Variants in ANOS1 observed in about 807,000 individuals in gnomAD.
ANOS1 encodes anosmin-1.
Under a neutral mutation model 59.0 loss-of-function variants are expected in ANOS1, and 6 were observed. The observed-to-expected ratio is 0.10, with a 90% CI of 0.06 to 0.20. The LOEUF (loss-of-function observed/expected upper bound fraction) is 0.20, where lower values mean the gene tolerates loss of function less well. Among genes scored for constraint, ANOS1 ranks in the 10% least tolerant of loss-of-function variants. ANOS1 has a pLI of 1.00. For missense variants in ANOS1, 433 were observed against 542.3 expected, an observed-to-expected ratio of 0.80 and a Z score of 2.00; for synonymous variants, 217 against 223.4, an observed-to-expected ratio of 0.97 and a Z score of 0.25.
At chrX:8,587,015 A>AT (rs35113718) in intron 5 of ANOS1, among the ~76,000 whole-genome samples, 2 of 108,638 alleles carry the variant, frequency 1.8e-5, no homozygotes, top group Non-Finnish European at 3.8e-5. Context: ...ATAAGGTGAG[A>AT]TTTTTTTTCC....
At chrX:8,653,668 T>C (rs1931884279) in intron 2 of ANOS1, among the ~76,000 whole-genome samples, 1 of 111,930 alleles carries the variant, frequency 8.9e-6, no homozygotes, top group African/African-American at 3.2e-5. Context: ...GTTCCCCTTA[T>C]CTGGCTCAAT....
At chrX:8,545,753 C>T (rs1228783479) in intron 9 of ANOS1, among the ~76,000 whole-genome samples, 1 of 111,629 alleles carries the variant, frequency 9.0e-6, no homozygotes, top group Non-Finnish European at 1.9e-5. Flanking sequence ...CTTTTAGGTC[C>T]CTAACTCCAA....
intron 9 of ANOS1, 132 bp from the exon 10 acceptor site, chrX:8,539,890 A>G (rs1929655366): frequency 8.6e-6 from 7 of 810,839 alleles, no homozygotes; most frequent in Non-Finnish European, 1.2e-5. Context: ...ATGCACAGTG[A>G]GCCAAAGGAG....
chrX:8,713,334 C>T (rs1396469079), intron 1 of ANOS1, among the ~76,000 whole-genome samples: 1 of 109,658 alleles, frequency 9.1e-6, no homozygotes, highest in Non-Finnish European at 1.9e-5. Context: ...AGAAAGGTAC[C>T]AGAGAGAAGC....
intron 4 of ANOS1, among the ~76,000 whole-genome samples, chrX:8,594,762 A>G (rs762928743): frequency 1.2e-5 from 1 of 84,499 alleles, no homozygotes; most frequent in East Asian, 3.6e-4. Context: ...ATATATATAT[A>G]TATATTTTTT....
At chrX:8,591,234 C>T (rs1930610854) in intron 4 of ANOS1, among the ~76,000 whole-genome samples, 1 of 111,111 alleles carries the variant, frequency 9.0e-6, no homozygotes, top group African/African-American at 3.3e-5. Flanking sequence ...CCTGCATATG[C>T]CAGACAAATA....
chrX:8,644,964 T>C (rs978804997), intron 2 of ANOS1, among the ~76,000 whole-genome samples: 2 of 112,390 alleles, frequency 1.8e-5, no homozygotes, highest in African/African-American at 6.5e-5. Context: ...GCAACCCAGC[T>C]ACCTTGGGCA....
intron 2 of ANOS1, among the ~76,000 whole-genome samples, chrX:8,683,083 A>G (rs1405102150): frequency 9.0e-6 from 1 of 111,174 alleles, no homozygotes; most frequent in Non-Finnish European, 1.9e-5. Context: ...ACAAACTTTA[A>G]GACCTTGGGA....
At chrX:8,533,686 T>C in intron 13 of ANOS1, among the ~76,000 whole-genome samples, 1 of 112,181 alleles carries the variant, frequency 8.9e-6, no homozygotes, top group East Asian at 2.8e-4. Context: ...GTGACAATTT[T>C]CTTTTTAAAT....
At chrX:8,667,907 C>T (rs1400846607) in intron 2 of ANOS1, among the ~76,000 whole-genome samples, 1 of 111,485 alleles carries the variant, frequency 9.0e-6, no homozygotes, top group Non-Finnish European at 1.9e-5. Flanking sequence ...AATCTTGTCA[C>T]TCTTGCCTTC....
At chrX:8,620,155 G>C in intron 3 of ANOS1, among the ~76,000 whole-genome samples, 1 of 112,024 alleles carries the variant, frequency 8.9e-6, no homozygotes, top group Non-Finnish European at 1.9e-5. Flanking sequence ...CCAGATATTA[G>C]ATATTTTCAG....
chrX:8,543,977 C>CAAAT (rs2146791257), intron 9 of ANOS1, among the ~76,000 whole-genome samples: 1 of 110,701 alleles, frequency 9.0e-6, no homozygotes, highest in African/African-American at 3.3e-5. Flanking sequence ...ATTCCTTCCA[C>CAAAT]AAATAAATGA....
rs61703055 is a variant in ANOS1 at position 8,670,791 on chromosome X, G to T, written c.255+28907C>A. On this transcript the variant is annotated intron_variant, in intron 2 of 13. Transcript: ENST00000262648. The stretch of plus-strand genomic sequence containing the variant: ...TATGCCCAAAATGAATTTTAACAGG[G>T]CTTCCCTTTTTCACACAAGGAAAAG... Among the ~76,000 whole-genome samples the T allele has an allele frequency of 6.9e-3, 764 of 111,297 alleles. 7 individuals carry two copies. The highest frequency in any genetic ancestry group is 0.024 in the African/African-American group (720 of 30,575).
intron 6 of ANOS1, among the ~76,000 whole-genome samples, chrX:8,578,420 A>G (rs1025853349): frequency 1.8e-5 from 2 of 111,137 alleles, no homozygotes; most frequent in African/African-American, 6.6e-5. Flanking sequence ...CCTTTTGCCC[A>G]TTGGAAATGG....
chrX:8,596,897 T>C (rs775884969), intron 4 of ANOS1, 137 bp downstream of exon 4: 4 of 973,780 alleles, frequency 4.1e-6, no homozygotes, highest in African/African-American at 3.8e-5. Context: ...AAGATGTCTG[T>C]ATGTGGTATA....
chrX:8,651,578 C>A (rs1453490487), intron 2 of ANOS1, among the ~76,000 whole-genome samples: 1 of 111,748 alleles, frequency 8.9e-6, no homozygotes, highest in Admixed American at 9.5e-5. Context: ...AGAGATAGAC[C>A]TCATTTAAAA....
chrX:8,707,129 T>C (rs1458527973), intron 1 of ANOS1, among the ~76,000 whole-genome samples: 3 of 111,810 alleles, frequency 2.7e-5, no homozygotes. Context: ...TTAATGATCA[T>C]ATGCCCCCCA....
chrX:8,671,323 T>C (rs1932250937), intron 2 of ANOS1, among the ~76,000 whole-genome samples: 1 of 111,481 alleles, frequency 9.0e-6, no homozygotes, highest in African/African-American at 3.3e-5. Flanking sequence ...GAAGTTCATA[T>C]CCTCAGAGAA....
intron 4 of ANOS1, among the ~76,000 whole-genome samples, chrX:8,595,779 G>A (rs771149101): frequency 1.5e-4 from 17 of 111,081 alleles, no homozygotes; most frequent in Non-Finnish European, 3.2e-4. Context: ...CCAGCTCCCG[G>A]GCCACTGACT....
Sources: allele counts gnomAD v4.1 joint callset (sites outside exome capture counted in the v4.1 genomes callset), GRCh38; gene constraint gnomAD v4.1.1; transcripts MANE v1.5; gene names NCBI Gene and HGNC (gene_info 2026-07-23, HGNC 2026-07-21).